The following ORC1 variants were observed in gnomAD, a reference collection of about 807,000 sequenced individuals.
The protein encoded by ORC1 is origin recognition complex, subunit 1 homolog.
ORC1 carries 61 observed loss-of-function variants against 98.9 expected under a neutral mutation model. The observed-to-expected ratio is 0.62, with a 90% CI of 0.50 to 0.76. The LOEUF is 0.76. Among genes scored for constraint, ORC1 ranks in the 30% least tolerant of loss-of-function variants. The pLI, the probability that ORC1 is intolerant of heterozygous loss-of-function variation, is 0.00. For missense variants in ORC1, 979 were observed against 1,072.2 expected (o/e 0.91, Z 1.21); for synonymous variants, 385 against 406.9 (o/e 0.95, Z 0.65).
chr1:52,375,645 G>T (rs754640166), intron 14 of ORC1, 46 bp from the exon 15 acceptor site: 8 of 1,586,554 alleles, frequency 5.0e-6, no homozygotes, highest in Non-Finnish European at 6.9e-6. Flanking sequence ...TAGCCCAGAA[G>T]AACCAAGAGA....
rs772643977 is a variant in ORC1, at chr1:52,402,136, T to G, written c.88A>C (p.Thr30Pro). 3.7e-6 allele frequency: 6 copies of G among 1,613,326 alleles called. No individual in the cohort carries two copies. Among genetic ancestry groups the G allele is most frequent in the Middle Eastern group, 1.6e-4 (1 of 6,062 alleles). Reference sequence around the variant, plus strand: ...AAGGACCCCATCACTCACCTATAGGTTTGGTAGTGCAGTTTTCGATCCAAC... The same window carrying G: ...AAGGACCCCATCACTCACCTATAGGGTTGGTAGTGCAGTTTTCGATCCAAC... The part of the protein sequence containing the change: ...PLLDRKLHYQ[T>P]YREMCVKTEG... The change falls in exon 2 of 17, where the codon ACC becomes CCC. Residue 30 changes from threonine (T) to proline (P), a missense_variant. Physicochemically the swap from Thr to Pro is conservative, Grantham distance 38. Transcript: ENST00000371568.
chr1:52,385,457 C>T (rs1005196171), intron 9 of ORC1, among the ~76,000 whole-genome samples, 195 bp from the exon 10 acceptor site: 2 of 152,188 alleles, frequency 1.3e-5, no homozygotes, highest in Non-Finnish European at 2.9e-5. Flanking sequence ...CGTTTCTCCA[C>T]CCAAATCACA....
At chr1:52,376,391 T>C (rs1411162686) in intron 14 of ORC1, among the ~76,000 whole-genome samples, 1 of 152,078 alleles carries the variant, frequency 6.6e-6, no homozygotes, top group East Asian at 1.9e-4. Flanking sequence ...GGCACATGCC[T>C]GTAATCTCAG....
rs190790798 is a variant in ORC1 at position 52,384,171 on chromosome 1, C to A, written c.1756-234G>T. Among the ~76,000 whole-genome samples the A allele has an allele frequency of 2.4e-4, 37 of 152,238 alleles. No individual in the cohort carries two copies. The East Asian group carries it at 3.1e-3, about 13-fold the overall frequency. ...ATGAGTCACAGGCTGGGCCAGAAGC[C>A]CCCTTAAAATCACTATTACAGAATT... On this transcript the variant is annotated intron_variant, in intron 11 of 16. Coordinates refer to ENST00000371568, the MANE Select transcript of ORC1 (RefSeq NM_004153.4).
At chr1:52,379,750 T>C (rs1248294678) in intron 14 of ORC1, among the ~76,000 whole-genome samples, 2 of 151,526 alleles carry the variant, frequency 1.3e-5, no homozygotes, top group Non-Finnish European at 1.5e-5. Context: ...CTGGCCAACA[T>C]GGTTAAACCC....
intron 6 of ORC1, among the ~76,000 whole-genome samples, chr1:52,389,546 T>C (rs981859225): frequency 6.6e-6 from 1 of 152,174 alleles, no homozygotes; most frequent in Non-Finnish European, 1.5e-5. Context: ...CTTAACCTTA[T>C]TTAAATTAGA....
chr1:52,374,960 C>T (rs960947981), intron 15 of ORC1, 63 bp from the exon 16 acceptor site: 31 of 1,002,156 alleles, frequency 3.1e-5, no homozygotes, highest in Non-Finnish European at 3.2e-6. Context: ...CAGAGGAAAG[C>T]CAAAGAAAAC....
Position 52,372,996 on chromosome 1 carries a change from G to A in ORC1, c.*185C>T. ...CTCTACAAAAAATCAGCTGGGCATG[G>A]TGGCATGTGCCTGTAGTTTCAGCCA... On this transcript the variant is annotated 3_prime_UTR_variant, in exon 17 of 17. Transcript: ENST00000371568. The A allele has an allele frequency of 1.5e-6, 1 of 668,324 alleles. No homozygotes were observed. The highest frequency in any genetic ancestry group is 2.7e-6 in the Non-Finnish European group (1 of 368,830). The allele number at this position is 668,324 out of a possible 1,614,324, so 41.4% of individuals were successfully genotyped here. A position where few individuals can be genotyped will look rare whatever the true frequency, so the allele number is the denominator to read the frequency against.
chr1:52,385,947 G>A lies in ORC1; in HGVS notation c.1386C>T (p.Leu462=), dbSNP rs756238351. The change falls in exon 9 of 17, where the codon CTC becomes CTT. Residue 462 remains leucine, a splice_region_variant and synonymous_variant. Transcript: ENST00000371568. ...HTLTKVPKKS[L]KPRTPRCAAP... is the part of the protein sequence containing the mutation. Reference sequence around the variant, plus strand: ...CGGCACAACGTGGCGTTCTAGGCTTGAGCTGTATTGAAAACAAAGAACATA... The same window carrying A: ...CGGCACAACGTGGCGTTCTAGGCTTAAGCTGTATTGAAAACAAAGAACATA... 5 of 1,611,952 alleles carry A rather than the reference G, an allele frequency of 3.1e-6. No homozygotes were observed. The highest frequency in any genetic ancestry group is 4.2e-6 in the Non-Finnish European group (5 of 1,178,792).
chr1:52,408,864 G>C, upstream of ORC1: 2 of 687,010 alleles, frequency 2.9e-6, no homozygotes, highest in East Asian at 6.0e-5. Context: ...CTGACTACTA[G>C]CTTCGTGTTG....
Position 52,401,597 on chromosome 1 carries a change from T to G in ORC1, c.96-108A>C, listed in dbSNP as rs185760630. 8 of 1,302,864 alleles carry G rather than the reference T, an allele frequency of 6.1e-6. No individual in the cohort carries two copies. In the Admixed American group the frequency reaches 1.4e-4, roughly 22 times the overall value. 80.7% of individuals were successfully genotyped at this position (1,302,864 alleles called of 1,614,324 possible). On this transcript the variant is annotated intron_variant, in intron 2 of 16. Coordinates refer to ENST00000371568, the MANE Select transcript of ORC1 (RefSeq NM_004153.4). The stretch of plus-strand genomic sequence containing the variant: ...CTCTCCAATCCTGATTTCTTTCTGC[T>G]GACCAACTCTCCTACTGGGAAACCA...
At chr1:52,401,287 A>C in intron 3 of ORC1, 75 bp downstream of exon 3, 1 of 1,582,852 alleles carries the variant, frequency 6.3e-7, no homozygotes, top group Non-Finnish European at 8.7e-7. Flanking sequence ...TGCTGTGAAC[A>C]AAAGAATCCA....
chr1:52,379,897 C>A (rs1282257990), intron 14 of ORC1, among the ~76,000 whole-genome samples: 1 of 152,028 alleles, frequency 6.6e-6, no homozygotes, highest in African/African-American at 2.4e-5. Flanking sequence ...TGCACCATCG[C>A]ACTCCAGCCT....
intron 6 of ORC1, among the ~76,000 whole-genome samples, chr1:52,393,086 G>A (rs1647257865): frequency 6.6e-6 from 1 of 152,146 alleles, no homozygotes; most frequent in Admixed American, 6.5e-5. Context: ...ATGAAAAACT[G>A]CTTTAAAAAA....
rs2147906514 is a variant in ORC1, at chr1:52,373,370, A to C, written c.2397T>G (p.Tyr799Ter). The C allele has an allele frequency of 6.2e-7, 1 of 1,613,512 alleles. No individual in the cohort carries two copies. Among genetic ancestry groups the C allele is most frequent in the East Asian group, 2.2e-5 (1 of 44,884 alleles). Residue 799 changes from tyrosine (Y) to a stop codon, truncating the protein, a stop_gained, in exon 17 of 17, where the codon TAT (tyrosine) becomes TAG (stop). Coordinates refer to ENST00000371568, the MANE Select transcript of ORC1 (RefSeq NM_004153.4). LOFTEE classifies it high-confidence loss of function. ...GLEEATFQQI[Y>*]SQHVALCRME... is the part of the protein sequence containing the mutation. Reference sequence around the variant, plus strand: ...TTCTGCACAGTGCCACATGTTGACTATATATCTAGACACAAATAGCAAGGC... The same window carrying C: ...TTCTGCACAGTGCCACATGTTGACTCTATATCTAGACACAAATAGCAAGGC...
intron 14 of ORC1, among the ~76,000 whole-genome samples, chr1:52,378,655 CTG>C (rs142200642): frequency 0.06 from 9,111 of 151,744 alleles, 295 homozygotes; most frequent in African/African-American, 0.083. Context: ...CAGAGCAAGA[CTG>C]TCTCAAAAAA....
rs752327175 is a variant in ORC1, at chr1:52,381,725, T to G, written c.2050A>C (p.Ser684Arg). ...GACCTTAGGATCTGCTGCAGCTGGC[T>G]ATATGTATAGGGCTGGAAGCACATC... ...TRMCFQPYTY[S>R]QLQQILRSRL... is the part of the protein sequence containing the mutation. Residue 684 changes from serine to arginine, a missense_variant, in exon 14 of 17, where the codon AGC (serine) becomes CGC (arginine). Coordinates refer to ENST00000371568, the MANE Select transcript of ORC1 (RefSeq NM_004153.4). 9.9e-6 allele frequency: 16 copies of G among 1,613,480 alleles called. No homozygotes were observed. The highest frequency in any genetic ancestry group is 2.7e-5 in the African/African-American group (2 of 74,882).
Position 52,374,801 on chromosome 1 carries a change from G to A in ORC1, c.2391+9C>T, listed in dbSNP as rs764034813. 10 of 1,590,020 alleles carry A rather than the reference G, an allele frequency of 6.3e-6. No individual in the cohort carries two copies. In the East Asian group the frequency reaches 2.2e-4, roughly 36 times the overall value. ...AATCTAGAAGGATTTGAAAAGAGGA[G>A]GAGATCACCTGTTGAAACGTGGCTT... On this transcript the variant is annotated intron_variant, in intron 16 of 16. Coordinates refer to ENST00000371568, the MANE Select transcript of ORC1 (RefSeq NM_004153.4).
rs750940470 is a variant in ORC1 at position 52,396,303 on chromosome 1, AAG to A, written c.462_463del (p.Phe155CysfsTer7). 1 of 1,614,068 alleles carries A rather than the reference AAG, an allele frequency of 6.2e-7. No homozygotes were observed. Among genetic ancestry groups the A allele is most frequent in the Non-Finnish European group, 8.5e-7 (1 of 1,180,042 alleles). On this transcript the variant is annotated frameshift_variant, in exon 5 of 17. Coordinates refer to ENST00000371568, the MANE Select transcript of ORC1 (RefSeq NM_004153.4). LOFTEE classifies it high-confidence loss of function. ...CTTCTCATTCCAGGATAGTTTCACAAAGAGTGTCTTCTCATTTTTCAGATTCG... is the reference window on the plus strand; with the variant it reads ...CTTCTCATTCCAGGATAGTTTCACAAAGTGTCTTCTCATTTTTCAGATTCG...
Sources: allele counts gnomAD v4.1 joint callset (sites outside exome capture counted in the v4.1 genomes callset), GRCh38; gene constraint gnomAD v4.1.1; transcripts MANE v1.5; gene names NCBI Gene and HGNC (gene_info 2026-07-23, HGNC 2026-07-21).